The following PPARD variants were observed in gnomAD, a reference collection of about 807,000 sequenced individuals.
PPARD encodes peroxisome proliferator-activated receptor delta.
In PPARD, 6 loss-of-function variants were observed where a neutral mutation model predicts 39.5. That is an observed-to-expected ratio of 0.15 (90% CI 0.08 to 0.30). The LOEUF (loss-of-function observed/expected upper bound fraction) is 0.30, where lower values mean the gene tolerates loss of function less well. PPARD is among the 10% of genes least tolerant of loss of function. The pLI, the probability that PPARD is intolerant of heterozygous loss-of-function variation, is 1.00. For synonymous variants in PPARD, 210 were observed against 231.3 expected (o/e 0.91, Z 0.83); for missense variants, 397 against 596.8 (o/e 0.67, Z 3.49).
At position 35,424,602 on chromosome 6, in the gene PPARD, G is replaced by C; in HGVS notation, c.901G>C (p.Asp301His). Residue 301 changes from aspartate (D) to histidine (H), a missense_variant, in exon 7 of 8, where the codon GAC (aspartate) becomes CAC (histidine). Transcript: ENST00000360694. This position sits in a 1 kb window ranked among gnomAD's most constrained non-coding sequence, Gnocchi z 7.1. ...CATGCTGGCCTCTATCGTCAACAAG[G>C]ACGGGCTGCTGGTAGCCAACGGCAG... ...FAMLASIVNK[D>H]GLLVANGSGF... 6.2e-7 allele frequency: 1 copy of C among 1,614,268 alleles called. No homozygotes were observed. The highest frequency in any genetic ancestry group is 8.5e-7 in the Non-Finnish European group (1 of 1,180,042).
At chr6:35,383,994 G>T (rs2150604187) in intron 2 of PPARD, among the ~76,000 whole-genome samples, 1 of 142,608 alleles carries the variant, frequency 7.0e-6, no homozygotes, top group Admixed American at 6.7e-5. Context: ...GAGGTGGGGG[G>T]GTCAGCCCCA....
intron 2 of PPARD, chr6:35,397,630 A>G (rs1764425563): frequency 1.2e-6 from 1 of 845,052 alleles, no homozygotes; most frequent in Admixed American, 6.2e-5. Context: ...CAATTATGCC[A>G]GTTGCTCCTC....
intron 2 of PPARD, among the ~76,000 whole-genome samples, chr6:35,386,525 T>G (rs1763670781): frequency 6.6e-6 from 1 of 151,990 alleles, no homozygotes; most frequent in African/African-American, 2.4e-5. Context: ...TTGGTTCATT[T>G]GGTACTTGGC....
At chr6:35,380,769 C>T (rs555526455) in intron 2 of PPARD, among the ~76,000 whole-genome samples, 1 of 152,234 alleles carries the variant, frequency 6.6e-6, no homozygotes, top group South Asian at 2.1e-4. Context: ...GCTGGGATTA[C>T]AGGAGTGAGC....
intron 3 of PPARD, among the ~76,000 whole-genome samples, chr6:35,415,728 A>G (rs569042748): frequency 6.7e-6 from 1 of 149,086 alleles, no homozygotes; most frequent in East Asian, 1.9e-4. Flanking sequence ...TCTAGGTTAT[A>G]ATTCTTGCTC....
chr6:35,417,357 G>A (rs146263047), intron 3 of PPARD, among the ~76,000 whole-genome samples: 1,986 of 151,738 alleles, frequency 0.013, 16 homozygotes, highest in Middle Eastern at 0.027. Flanking sequence ...GCTGGTATAC[G>A]ATGGCACAAT....
rs148042992 is a variant in PPARD, at chr6:35,421,640, T to C, written c.286-180T>C. Among the ~76,000 whole-genome samples the C allele has an allele frequency of 1.1e-3, 167 of 152,352 alleles. 4 individuals are homozygous for C. Among genetic ancestry groups the C allele is most frequent in the Middle Eastern group, 6.8e-3 (2 of 294 alleles). ...CAGGCGTGAGCCACTGTGCCTGAAC[T>C]AAAATAGTTTTAATTAAAGTTTTAG... is the stretch of plus-strand genomic sequence containing the variant. On this transcript the variant is annotated intron_variant, in intron 4 of 7. Coordinates refer to ENST00000360694, the MANE Select transcript of PPARD (RefSeq NM_006238.5).
intron 2 of PPARD, among the ~76,000 whole-genome samples, chr6:35,368,982 G>A (rs1762343432): frequency 6.6e-6 from 1 of 152,162 alleles, no homozygotes. Context: ...GACAACCCTA[G>A]AGATACCTAG....
chr6:35,355,552 T>TAA (rs1171537260), intron 2 of PPARD, among the ~76,000 whole-genome samples: 1,307 of 59,380 alleles, frequency 0.022, 56 homozygotes, highest in African/African-American at 0.059. Flanking sequence ...GCCCTGTCTG[T>TAA]AAAAAAAAAA....
intron 2 of PPARD, among the ~76,000 whole-genome samples, chr6:35,372,649 G>C (rs554325965): frequency 3.3e-5 from 5 of 152,216 alleles, no homozygotes; most frequent in Non-Finnish European, 7.3e-5. Context: ...CTGGAGCTGG[G>C]CATGGTGAGG....
rs1765394143 is a variant in PPARD at position 35,411,075 on chromosome 6, G to T, written c.-13G>T. 6.6e-7 allele frequency: 1 copy of T among 1,512,046 alleles called. No homozygotes were observed. The highest frequency in any genetic ancestry group is 1.4e-5 in the African/African-American group (1 of 70,676). 93.7% of individuals were successfully genotyped at this position (1,512,046 alleles called of 1,614,324 possible). A position where few individuals can be genotyped will look rare whatever the true frequency, so the allele number is the denominator to read the frequency against. ...ACTGGGCCTGCAGGTGTGGCGCCGA[G>T]GGGAGATCAGCCATGGAGCAGCCAC... On this transcript the variant is annotated 5_prime_UTR_variant, in exon 3 of 8. In the 5' UTR this introduces an upstream ATG that the reference lacks. Transcript: ENST00000360694.
At chr6:35,370,355 G>A (rs1762418505) in intron 2 of PPARD, among the ~76,000 whole-genome samples, 1 of 152,178 alleles carries the variant, frequency 6.6e-6, no homozygotes, top group South Asian at 2.1e-4. Context: ...CAGGCATGTT[G>A]GGGAGTGAGT....
At position 35,411,011 on chromosome 6, in the gene PPARD, G is replaced by A. The variant is rs1765388849; in HGVS notation, c.-77G>A. The A allele has an allele frequency of 4.4e-6, 6 of 1,359,980 alleles. No individual in the cohort carries two copies. The highest frequency in any genetic ancestry group is 6.7e-5 in the Admixed American group (2 of 29,742). The allele number at this position is 1,359,980 out of a possible 1,614,324, so 84.2% of individuals were successfully genotyped here. Reference sequence around the variant, plus strand: ...GGCTGATGGGAACCACCCTGTAGAGGTCCATCTGCGTTCAGACCCAGACGA... The same window carrying A: ...GGCTGATGGGAACCACCCTGTAGAGATCCATCTGCGTTCAGACCCAGACGA... On this transcript the variant is annotated 5_prime_UTR_variant, in exon 3 of 8. Coordinates refer to ENST00000360694, the MANE Select transcript of PPARD (RefSeq NM_006238.5).
chr6:35,363,259 A>G lies in PPARD; in HGVS notation c.-102+16109A>G, dbSNP rs1390330392. On this transcript the variant is annotated intron_variant, in intron 2 of 7. Transcript: ENST00000360694. This position sits in a 1 kb window ranked among gnomAD's most constrained non-coding sequence, Gnocchi z 4.5. ...TTTTCTGGGCCACTTTGGCCTGCAC[A>G]CAGGTTGGGCTAGGAATTCATGCTT... 6.6e-6 allele frequency among the ~76,000 whole-genome samples: 1 copy of G among 152,128 alleles called. No individual in the cohort carries two copies. The highest frequency in any genetic ancestry group is 2.4e-5 in the African/African-American group (1 of 41,440).
rs200917813 is a variant in PPARD, at chr6:35,424,289, G to A, written c.628-40G>A. 6.2e-7 allele frequency: 1 copy of A among 1,601,558 alleles called. No homozygotes were observed. Among genetic ancestry groups the A allele is most frequent in the South Asian group, 1.1e-5 (1 of 89,546 alleles). On this transcript the variant is annotated intron_variant, in intron 6 of 7. Coordinates refer to ENST00000360694, the MANE Select transcript of PPARD (RefSeq NM_006238.5). The surrounding 1 kb of genome is among the most constrained non-coding windows in gnomAD (Gnocchi z 7.1). The stretch of plus-strand genomic sequence containing the variant: ...GGGACATGGGGAGCACAGGGTGGGG[G>A]TCTCCCGAGGCCTGATCTCTAACGG...
At chr6:35,344,974 G>A (rs1792085581) in intron 1 of PPARD, among the ~76,000 whole-genome samples, 2 of 152,192 alleles carry the variant, frequency 1.3e-5, no homozygotes, top group Admixed American at 6.5e-5. Flanking sequence ...ATTCTAAAGA[G>A]GTAGAGGTCA....
chr6:35,407,799 T>TAA (rs201207213), intron 2 of PPARD, among the ~76,000 whole-genome samples: 5 of 143,576 alleles, frequency 3.5e-5, no homozygotes, highest in Non-Finnish European at 7.7e-5. Context: ...TTCACACAAT[T>TAA]AAAAAAAAAA....
At chr6:35,373,956 C>T (rs1762640271) in intron 2 of PPARD, among the ~76,000 whole-genome samples, 1 of 152,170 alleles carries the variant, frequency 6.6e-6, no homozygotes. Flanking sequence ...CAGTGTGAGC[C>T]ACCACGCCTG....
rs186420510 is a variant in PPARD, at chr6:35,421,830, G to A, written c.296G>A (p.Arg99His). The A allele has an allele frequency of 8.7e-6, 14 of 1,611,666 alleles. No homozygotes were observed. Among genetic ancestry groups the A allele is most frequent in the Admixed American group, 1.7e-5 (1 of 59,644 alleles). ...HACEGCKGFF[R>H]RTIRMKLEYE... ...TTCTTGGTGCTTCAGGGCTTCTTCC[G>A]TCGTACGATCCGCATGAAGCTGGAG... The change falls in exon 5 of 8, where the codon CGT becomes CAT. Residue 99 changes from arginine (R) to histidine (H), a missense_variant. Transcript: ENST00000360694.
Sources: allele counts gnomAD v4.1 joint callset (sites outside exome capture counted in the v4.1 genomes callset), GRCh38; gene constraint gnomAD v4.1.1; non-coding constraint Gnocchi (gnomAD v3.1); transcripts MANE v1.5; gene names NCBI Gene and HGNC (gene_info 2026-07-23, HGNC 2026-07-21).